PID1: variants seen among roughly 807,000 people sequenced by gnomAD.
PID1 encodes phosphotyrosine interaction domain containing 1, also known as PTB-containing, cubilin and LRP1-interacting protein.
PID1 carries 10 observed loss-of-function variants against 19.1 expected under a neutral mutation model. That is an observed-to-expected ratio of 0.52 (90% confidence interval 0.32 to 0.89). The LOEUF is 0.89. PID1 is among the 40% of genes least tolerant of loss of function. The probability of loss-of-function intolerance (pLI) is 0.03; values close to 1 mark genes in which losing one functional copy is unlikely to be tolerated. For synonymous variants in PID1, 130 were observed against 116.0 expected, an observed-to-expected ratio of 1.12 and a Z score of -0.78; for missense variants, 248 against 285.3, an observed-to-expected ratio of 0.87 and a Z score of 0.94.
At chr2:229,096,662 G>A (rs1694976163) in intron 2 of PID1, among the ~76,000 whole-genome samples, 1 of 152,134 alleles carries the variant, frequency 6.6e-6, no homozygotes, top group South Asian at 2.1e-4. Context: ...GGATCAGACA[G>A]ATAACATCAA....
intron 1 of PID1, among the ~76,000 whole-genome samples, chr2:229,164,080 T>C (rs1690550848): frequency 6.6e-6 from 1 of 152,208 alleles, no homozygotes; most frequent in Non-Finnish European, 1.5e-5. Flanking sequence ...ACTGCCTTAT[T>C]GACCTAGGGG....
In PID1 at chr2:229,025,178, C is replaced by T. The variant is rs1693384060; in HGVS notation, c.*454G>A. 1 of 163,082 alleles carries T rather than the reference C, an allele frequency of 6.1e-6. No individual in the cohort carries two copies. The highest frequency in any genetic ancestry group is 5.8e-5 in the Admixed American group (1 of 17,248). 10.1% of individuals were successfully genotyped at this position (163,082 alleles called of 1,614,324 possible). On this transcript the variant is annotated 3_prime_UTR_variant, in exon 3 of 3. Transcript: ENST00000392055. ...GAACAGAGGGCCCTCCCGAGATGTT[C>T]CTTCCTCCCTGCGGCCAGCGTCCCC...
chr2:229,097,369 T>C (rs1284471887), intron 2 of PID1, among the ~76,000 whole-genome samples: 1 of 152,224 alleles, frequency 6.6e-6, no homozygotes. Context: ...ATATTTTGAC[T>C]AAAAACCTAA....
intron 2 of PID1, among the ~76,000 whole-genome samples, chr2:229,048,420 G>A (rs1214920819): frequency 6.6e-6 from 1 of 152,174 alleles, no homozygotes; most frequent in Non-Finnish European, 1.5e-5. Flanking sequence ...TTGCAAAGGG[G>A]ACTTGAATTC....
chr2:229,262,487 T>TA (rs61678189), intron 1 of PID1, among the ~76,000 whole-genome samples: 3 of 152,082 alleles, frequency 2.0e-5, no homozygotes, highest in Non-Finnish European at 2.9e-5. Flanking sequence ...CACTCGGTAT[T>TA]AAAAAAAGGA....
At chr2:229,066,085 C>T (rs1371500541) in intron 2 of PID1, among the ~76,000 whole-genome samples, 1 of 151,864 alleles carries the variant, frequency 6.6e-6, no homozygotes, top group Non-Finnish European at 1.5e-5. Context: ...TTAAGCCACA[C>T]ACAAAAAAAG....
At chr2:229,263,695 T>C (rs375575882) in intron 1 of PID1, among the ~76,000 whole-genome samples, 3 of 152,178 alleles carry the variant, frequency 2.0e-5, no homozygotes, top group African/African-American at 7.2e-5. Flanking sequence ...TCCAGAAAAA[T>C]GAGACAACAA....
intron 1 of PID1, among the ~76,000 whole-genome samples, chr2:229,179,880 C>T (rs551781364): frequency 4.6e-5 from 7 of 152,258 alleles, no homozygotes; most frequent in South Asian, 2.1e-4. Context: ...CTTGGCCACA[C>T]GGACCTCTGC....
intron 1 of PID1, among the ~76,000 whole-genome samples, chr2:229,159,449 G>A (rs776073871): frequency 5.6e-4 from 85 of 152,250 alleles, no homozygotes; most frequent in Non-Finnish European, 9.7e-4. Flanking sequence ...TGATTCAGTC[G>A]GTTCAAAGAC....
intron 2 of PID1, among the ~76,000 whole-genome samples, chr2:229,048,321 A>C (rs1693923736): frequency 6.6e-6 from 1 of 152,110 alleles, no homozygotes; most frequent in East Asian, 1.9e-4. Context: ...ACATTGTGCC[A>C]ATCTGCACTG....
chr2:229,176,937 A>G (rs1396125595), intron 1 of PID1, among the ~76,000 whole-genome samples: 1 of 152,222 alleles, frequency 6.6e-6, no homozygotes, highest in Non-Finnish European at 1.5e-5. Flanking sequence ...ATGCTGATAG[A>G]CATACCCAAG....
intron 2 of PID1, among the ~76,000 whole-genome samples, chr2:229,047,488 T>G (rs1426168344): frequency 6.6e-6 from 1 of 152,136 alleles, no homozygotes; most frequent in Non-Finnish European, 1.5e-5. Flanking sequence ...AAAATAAAAG[T>G]TAAAGAGAGT....
At chr2:229,075,503 TTATA>T (rs1269896471) in intron 2 of PID1, among the ~76,000 whole-genome samples, 1 of 152,094 alleles carries the variant, frequency 6.6e-6, no homozygotes, top group Non-Finnish European at 1.5e-5. Context: ...CTCCACAACT[TTATA>T]TGTTTGGATT....
At chr2:229,237,314 T>C (rs953046144) in intron 1 of PID1, among the ~76,000 whole-genome samples, 1 of 152,188 alleles carries the variant, frequency 6.6e-6, no homozygotes, top group African/African-American at 2.4e-5. Flanking sequence ...AAAAGATATC[T>C]ACAGTTATGA....
At chr2:229,225,921 G>A (rs533294122) in intron 1 of PID1, among the ~76,000 whole-genome samples, 19 of 152,244 alleles carry the variant, frequency 1.2e-4, no homozygotes, top group Admixed American at 5.2e-4. Context: ...CCCAGAACAC[G>A]TGGGGATCGT....
intron 2 of PID1, among the ~76,000 whole-genome samples, chr2:229,109,942 G>A (rs1489388432): frequency 6.6e-6 from 1 of 152,098 alleles, no homozygotes; most frequent in East Asian, 1.9e-4. Flanking sequence ...TTATCATGCA[G>A]AACATATTAA....
intron 2 of PID1, among the ~76,000 whole-genome samples, chr2:229,076,439 A>G (rs1694559514): frequency 6.6e-6 from 1 of 151,896 alleles, no homozygotes; most frequent in Admixed American, 6.6e-5. Flanking sequence ...AACTGTGCAG[A>G]ACGAGCAGTT....
At chr2:229,270,844 C>A (rs1238914464) in intron 1 of PID1, among the ~76,000 whole-genome samples, 170 bp downstream of exon 1, 1 of 152,164 alleles carries the variant, frequency 6.6e-6, no homozygotes, top group Non-Finnish European at 1.5e-5. Context: ...ATCCCCATAC[C>A]CCTGCCGGGT....
chr2:229,258,861 C>CAAAAA (rs60923610), intron 1 of PID1, among the ~76,000 whole-genome samples: 2 of 66,994 alleles, frequency 3.0e-5, no homozygotes, highest in Admixed American at 1.6e-4. Context: ...GACTCCGTCT[C>CAAAAA]AAAAAAAAAA....
Sources: allele counts gnomAD v4.1 joint callset (sites outside exome capture counted in the v4.1 genomes callset), GRCh38; gene constraint gnomAD v4.1.1; transcripts MANE v1.5; gene names NCBI Gene and HGNC (gene_info 2026-07-23, HGNC 2026-07-21).